Variants in NPY1R observed in about 807,000 individuals in gnomAD.
The protein encoded by NPY1R is neuropeptide Y receptor Y1.
In NPY1R, 10 loss-of-function variants were observed where a neutral mutation model predicts 24.1. The observed-to-expected ratio is 0.42, with a 90% CI of 0.26 to 0.71. The LOEUF (loss-of-function observed/expected upper bound fraction) is 0.71, where lower values mean the gene tolerates loss of function less well. Ranked by LOEUF, NPY1R falls within the 30% of genes least tolerant of loss-of-function variation. The pLI is 0.28. For synonymous variants in NPY1R, 168 were observed against 165.9 expected (o/e 1.01, Z -0.10); for missense variants, 350 against 458.0 (o/e 0.76, Z 2.15).
At chr4:163,340,132 T>G (rs2110818138) in intron 1 of NPY1R, among the ~76,000 whole-genome samples, 1 of 152,146 alleles carries the variant, frequency 6.6e-6, no homozygotes, top group African/African-American at 2.4e-5. Flanking sequence ...TAATTAGATT[T>G]AAAATATTAA....
Position 163,326,513 on chromosome 4 carries a change from G to T in NPY1R, c.42C>A (p.Val14=). 2.5e-6 allele frequency: 4 copies of T among 1,606,712 alleles called. No homozygotes were observed. The highest frequency in any genetic ancestry group is 3.4e-6 in the Non-Finnish European group (4 of 1,177,662). ...TLFSQVENHS[V]HSNFSEKNAQ... ...CATTCTTCTCTGAGAAATTAGAGTGGACTGAATGATTTTCAACCTGGGAAA... is the reference window on the plus strand; with the variant it reads ...CATTCTTCTCTGAGAAATTAGAGTGTACTGAATGATTTTCAACCTGGGAAA... Residue 14 remains valine, a synonymous_variant, in exon 2 of 3, where the codon GTC becomes GTA. Coordinates refer to ENST00000296533, the MANE Select transcript of NPY1R (RefSeq NM_000909.6).
At chr4:163,331,897 C>G (rs1009473677) in intron 1 of NPY1R, among the ~76,000 whole-genome samples, 2 of 152,342 alleles carry the variant, frequency 1.3e-5, no homozygotes, top group Admixed American at 1.3e-4. Flanking sequence ...CCGAGAAGCG[C>G]GGAACCCGCA....
intron 1 of NPY1R, among the ~76,000 whole-genome samples, chr4:163,332,159 C>T (rs1444935882): frequency 6.6e-6 from 1 of 152,240 alleles, no homozygotes; most frequent in East Asian, 1.9e-4. Context: ...CTTCCCAGTG[C>T]CTCGGCCTTT....
At position 163,325,845 on chromosome 4, in the gene NPY1R, A is replaced by T. The variant is rs745378497; in HGVS notation, c.699+11T>A. ...GTAAAAATGGAAATGATAGAAAAAA[A>T]GTTTTCTTACCTTGAAGTAGCAAAT... On this transcript the variant is annotated intron_variant, in intron 2 of 2. Transcript: ENST00000296533. 3 of 1,605,250 alleles carry T rather than the reference A, an allele frequency of 1.9e-6. No individual in the cohort carries two copies. Among genetic ancestry groups the T allele is most frequent in the South Asian group, 1.1e-5 (1 of 89,992 alleles).
intron 1 of NPY1R, among the ~76,000 whole-genome samples, chr4:163,341,413 A>T (rs1196245015): frequency 6.6e-6 from 1 of 152,162 alleles, no homozygotes; most frequent in South Asian, 2.1e-4. Flanking sequence ...TATCAAAGTC[A>T]AATATCATTT....
rs1205222486 is a variant in NPY1R at position 163,325,321 on chromosome 4, A to G, written c.1137T>C (p.Asp379=). Residue 379 remains aspartate, a synonymous_variant, in exon 3 of 3, where the codon GAT becomes GAC. Coordinates refer to ENST00000296533, the MANE Select transcript of NPY1R (RefSeq NM_000909.6). ...PVAFKKINNN[D]DNEKI is the part of the protein sequence containing the mutation. ...AGTAGTTTCAGATTTTTTCATTATC[A>G]TCATTGTTGTTGATTTTTTTAAATG... 1 of 1,608,546 alleles carries G rather than the reference A, an allele frequency of 6.2e-7. No individual in the cohort carries two copies. Among genetic ancestry groups the G allele is most frequent in the Non-Finnish European group, 8.5e-7 (1 of 1,178,086 alleles).
intron 1 of NPY1R, among the ~76,000 whole-genome samples, chr4:163,339,619 G>A (rs533060962): frequency 6.6e-6 from 1 of 152,048 alleles, no homozygotes; most frequent in South Asian, 2.1e-4. Flanking sequence ...AAAAATTTTT[G>A]AATATCACAA....
upstream of NPY1R, among the ~76,000 whole-genome samples, chr4:163,336,044 T>C (rs376249141): frequency 2.0e-5 from 3 of 152,346 alleles, no homozygotes; most frequent in East Asian, 3.9e-4. Flanking sequence ...AATGTGAGTA[T>C]ACAAGTGCAC....
At chr4:163,338,301 G>A (rs1734892749) in intron 1 of NPY1R, among the ~76,000 whole-genome samples, 2 of 152,110 alleles carry the variant, frequency 1.3e-5, no homozygotes, top group South Asian at 4.1e-4. Context: ...TCTAAATATA[G>A]TCAAAAATAA....
intron 1 of NPY1R, among the ~76,000 whole-genome samples, chr4:163,330,135 A>G (rs1410763036): frequency 6.6e-6 from 1 of 152,228 alleles, no homozygotes; most frequent in Non-Finnish European, 1.5e-5. Context: ...AGAAAAAGAA[A>G]CAGAAATATT....
upstream of NPY1R, among the ~76,000 whole-genome samples, chr4:163,333,932 C>A (rs1734786358): frequency 1.3e-5 from 2 of 151,836 alleles, no homozygotes; most frequent in African/African-American, 4.8e-5. Flanking sequence ...CAGATATAAG[C>A]ATACATATAA....
upstream of NPY1R, among the ~76,000 whole-genome samples, chr4:163,336,852 T>C (rs1734848966): frequency 6.6e-6 from 1 of 152,116 alleles, no homozygotes; most frequent in African/African-American, 2.4e-5. Context: ...TTCCAGCTAC[T>C]CGGGAGGCTG....
intron 1 of NPY1R, among the ~76,000 whole-genome samples, chr4:163,341,334 A>G (rs139507095): frequency 5.7e-4 from 87 of 152,296 alleles, no homozygotes; most frequent in African/African-American, 2.0e-3. Flanking sequence ...TCTCAGAGAA[A>G]TAAATGCATA....
upstream of NPY1R, chr4:163,332,984 G>A (rs1240626962): frequency 6.6e-6 from 1 of 152,082 alleles, no homozygotes; most frequent in Non-Finnish European, 1.5e-5. Context: ...GGAATCAAAG[G>A]GCTCGCTGGG....
At chr4:163,333,726 G>C (rs1734783616), upstream of NPY1R, among the ~76,000 whole-genome samples, 1 of 152,008 alleles carries the variant, frequency 6.6e-6, no homozygotes, top group African/African-American at 2.4e-5. Flanking sequence ...CTGATTGTTA[G>C]GCTGAATAAA....
At chr4:163,331,687 T>A (rs11100490) in intron 1 of NPY1R, among the ~76,000 whole-genome samples, 1 of 152,126 alleles carries the variant, frequency 6.6e-6, no homozygotes, top group Non-Finnish European at 1.5e-5. Flanking sequence ...TGGGAACCAA[T>A]GGCACACCCT....
upstream of NPY1R, among the ~76,000 whole-genome samples, chr4:163,337,817 C>T (rs1280830417): frequency 6.6e-6 from 1 of 152,206 alleles, no homozygotes; most frequent in East Asian, 1.9e-4. Flanking sequence ...ACTGGAGTCA[C>T]ATCTTCCCTA....
upstream of NPY1R, among the ~76,000 whole-genome samples, chr4:163,334,332 A>G (rs1734792400): frequency 6.6e-6 from 1 of 152,244 alleles, no homozygotes; most frequent in Non-Finnish European, 1.5e-5. Flanking sequence ...CTCAGGTACT[A>G]TGCTTTCTCT....
upstream of NPY1R, chr4:163,332,863 C>T (rs898521273): frequency 1.1e-4 from 17 of 152,220 alleles, no homozygotes; most frequent in African/African-American, 4.1e-4. Context: ...AGGGCAGTTT[C>T]CCGAGGCTTG....
Sources: gnomAD v4.1 joint callset for allele counts (sites outside exome capture counted in the v4.1 genomes callset) on GRCh38, gnomAD v4.1.1 for gene constraint, MANE v1.5 for transcripts, NCBI Gene and HGNC (gene_info 2026-07-23, HGNC 2026-07-21) for gene names.